RAB22A: variants seen among roughly 807,000 people sequenced by gnomAD.
RAB22A encodes the protein ras-related protein Rab-22A.
RAB22A carries 13 observed loss-of-function variants against 30.2 expected under a neutral mutation model. The observed-to-expected ratio is 0.43, with a 90% CI of 0.28 to 0.68. RAB22A has a LOEUF of 0.68. Among genes scored for constraint, RAB22A ranks in the 30% least tolerant of loss-of-function variants. RAB22A has a pLI of 0.18. For missense variants in RAB22A, 177 were observed against 246.8 expected, an observed-to-expected ratio of 0.72 and a Z score of 1.89; for synonymous variants, 89 against 87.2, an observed-to-expected ratio of 1.02 and a Z score of -0.11.
In RAB22A at chr20:58,309,922, C is replaced by T; in HGVS notation, c.-55C>T. 3 of 1,252,778 alleles carry T rather than the reference C, an allele frequency of 2.4e-6. No individual in the cohort carries two copies. The highest frequency in any genetic ancestry group is 3.0e-6 in the Non-Finnish European group (3 of 990,314). The allele number at this position is 1,252,778 out of a possible 1,614,324, so 77.6% of individuals were successfully genotyped here. On this transcript the variant is annotated 5_prime_UTR_variant, in exon 1 of 7. Transcript: ENST00000244040. ...CAGGGGATGCTCTTGCTGGGCCTGGCCTCTCCCTTCTCAACTTAGGGCGGC... is the reference window on the plus strand; with the variant it reads ...CAGGGGATGCTCTTGCTGGGCCTGGTCTCTCCCTTCTCAACTTAGGGCGGC...
intron 2 of RAB22A, among the ~76,000 whole-genome samples, chr20:58,317,997 A>C (rs150220337): frequency 6.6e-6 from 1 of 152,152 alleles, no homozygotes; most frequent in Non-Finnish European, 1.5e-5. Flanking sequence ...CTAGGACAAC[A>C]ATAGCACGAG....
chr20:58,310,456 C>T lies in RAB22A; in HGVS notation c.36+444C>T, dbSNP rs6128313. The stretch of plus-strand genomic sequence containing the variant: ...GGTGTTTTTGAACTTGTGGGATACC[C>T]CTGCCACTTGTCCAAAGAGTTACTT... On this transcript the variant is annotated intron_variant, in intron 1 of 6. Transcript: ENST00000244040. Among the ~76,000 whole-genome samples, 341 of 152,002 alleles carry T rather than the reference C, an allele frequency of 2.2e-3. 1 individual carries two copies. The highest frequency in any genetic ancestry group is 7.7e-3 in the African/African-American group (320 of 41,470).
chr20:58,310,906 C>A (rs1986212185), intron 1 of RAB22A, 137 bp from the exon 2 acceptor site: 6 of 709,806 alleles, frequency 8.5e-6, no homozygotes, highest in African/African-American at 5.4e-5. Flanking sequence ...ATGACAACCG[C>A]TTTTGTGTTC....
intron 2 of RAB22A, among the ~76,000 whole-genome samples, chr20:58,318,373 T>G (rs1986385179): frequency 6.6e-6 from 1 of 152,196 alleles, no homozygotes; most frequent in Non-Finnish European, 1.5e-5. Context: ...TTTCGTAACA[T>G]GCATGCACAG....
chr20:58,336,302 G>A (rs1407125429), intron 2 of RAB22A, among the ~76,000 whole-genome samples: 1 of 150,944 alleles, frequency 6.6e-6, no homozygotes, highest in Non-Finnish European at 1.5e-5. Flanking sequence ...ATGAGCCACG[G>A]CGCCCGGCCG....
At chr20:58,340,617 A>G (rs1986839140) in intron 2 of RAB22A, among the ~76,000 whole-genome samples, 1 of 152,192 alleles carries the variant, frequency 6.6e-6, no homozygotes, top group African/African-American at 2.4e-5. Context: ...AGATACCCCT[A>G]TTACAGAGGA....
intron 2 of RAB22A, among the ~76,000 whole-genome samples, chr20:58,318,509 G>A (rs1986388144): frequency 6.6e-6 from 1 of 151,924 alleles, no homozygotes; most frequent in Admixed American, 6.6e-5. Context: ...CTGATATAAT[G>A]CAAATATTCC....
chr20:58,322,147 T>C (rs1435497395), intron 2 of RAB22A, among the ~76,000 whole-genome samples: 6 of 152,342 alleles, frequency 3.9e-5, no homozygotes, highest in African/African-American at 1.4e-4. Context: ...ATGAAATGTC[T>C]CTCTTTTGTC....
rs897314778 is a variant in RAB22A at position 58,365,589 on chromosome 20, A to T, written c.*5886A>T. On this transcript the variant is annotated 3_prime_UTR_variant, in exon 7 of 7. Transcript: ENST00000244040. ...TAACGTGGCTCATACACGTGATGTC[A>T]GAGGGACTGGTCAGTTCTTTACAGG... The T allele has an allele frequency of 1.3e-5, 2 of 152,252 alleles. No homozygotes were observed. The highest frequency in any genetic ancestry group is 2.9e-5 in the Non-Finnish European group (2 of 68,048). The allele number at this position is 152,252 out of a possible 1,614,324, so 9.4% of individuals were successfully genotyped here.
chr20:58,350,283 A>G (rs1408528600), intron 3 of RAB22A, among the ~76,000 whole-genome samples: 1 of 152,252 alleles, frequency 6.6e-6, no homozygotes, highest in Non-Finnish European at 1.5e-5. Context: ...AAAAATATGG[A>G]CAGAGTCTCA....
chr20:58,354,024 T>C (rs1351718980), intron 5 of RAB22A, 132 bp from the exon 6 acceptor site: 3 of 581,200 alleles, frequency 5.2e-6, no homozygotes, highest in African/African-American at 1.9e-5. Context: ...GAGAAGACCA[T>C]GTCTCAGGGC....
At chr20:58,321,854 G>A (rs1334528693) in intron 2 of RAB22A, among the ~76,000 whole-genome samples, 2 of 152,198 alleles carry the variant, frequency 1.3e-5, no homozygotes, top group African/African-American at 2.4e-5. Flanking sequence ...AGGCTAGAGT[G>A]CAGTGGTGCA....
At chr20:58,344,095 G>A (rs1302684226) in intron 3 of RAB22A, among the ~76,000 whole-genome samples, 1 of 152,148 alleles carries the variant, frequency 6.6e-6, no homozygotes, top group African/African-American at 2.4e-5. Context: ...TGTATAATTT[G>A]GGGCTCTCTC....
At chr20:58,328,954 G>T (rs1056434560) in intron 2 of RAB22A, among the ~76,000 whole-genome samples, 1 of 152,058 alleles carries the variant, frequency 6.6e-6, no homozygotes, top group East Asian at 1.9e-4. Context: ...GACATTTACC[G>T]ATGGTCTAAA....
At position 58,344,357 on chromosome 20, in the gene RAB22A, G is replaced by A. The variant is rs115888811; in HGVS notation, c.198+558G>A. On this transcript the variant is annotated intron_variant, in intron 3 of 6. Coordinates refer to ENST00000244040, the MANE Select transcript of RAB22A (RefSeq NM_020673.3). ...AGCGGGGCCTGAACATGGCAGCATG[G>A]GGTCTAATGGAATTTGGGGAAGCCC... Among the ~76,000 whole-genome samples, 1,423 of 152,298 alleles carry A rather than the reference G, an allele frequency of 9.3e-3. 23 individuals are homozygous for A. Among genetic ancestry groups the A allele is most frequent in the African/African-American group, 0.031 (1,272 of 41,550 alleles).
At chr20:58,348,807 G>A (rs1010249690) in intron 3 of RAB22A, among the ~76,000 whole-genome samples, 13 of 151,186 alleles carry the variant, frequency 8.6e-5, no homozygotes, top group African/African-American at 2.7e-4. Flanking sequence ...AAAAAAAATC[G>A]CAAAAACAGC....
chr20:58,326,525 A>G (rs2087833640), intron 2 of RAB22A, among the ~76,000 whole-genome samples: 1 of 151,324 alleles, frequency 6.6e-6, no homozygotes, highest in Admixed American at 6.6e-5. Context: ...CTGAGGAGTG[A>G]TATTCTCTTA....
rs1260176648 is a variant in RAB22A, at chr20:58,362,881, GCCT to G, written c.*3183_*3185del. On this transcript the variant is annotated 3_prime_UTR_variant, in exon 7 of 7. Coordinates refer to ENST00000244040, the MANE Select transcript of RAB22A (RefSeq NM_020673.3). ...GGACTTTTGTGTGAGAGGCTTGAGCGCCTCCTCTATGTGGGCTGGTGTCCTTCT... is the reference window on the plus strand; with the variant it reads ...GGACTTTTGTGTGAGAGGCTTGAGCGCCTCTATGTGGGCTGGTGTCCTTCT... 6.6e-6 allele frequency: 1 copy of G among 152,108 alleles called. No homozygotes were observed. The highest frequency in any genetic ancestry group is 1.5e-5 in the Non-Finnish European group (1 of 68,012). 9.4% of individuals were successfully genotyped at this position (152,108 alleles called of 1,614,324 possible). A position where few individuals can be genotyped will look rare whatever the true frequency, so the allele number is the denominator to read the frequency against.
chr20:58,344,521 C>T (rs1223278273), intron 3 of RAB22A, among the ~76,000 whole-genome samples: 1 of 152,186 alleles, frequency 6.6e-6, no homozygotes, highest in Non-Finnish European at 1.5e-5. Flanking sequence ...CTCCCCTTTC[C>T]TCTGGGTACT....
Sources: gnomAD v4.1 joint callset for allele counts (sites outside exome capture counted in the v4.1 genomes callset) on GRCh38, gnomAD v4.1.1 for gene constraint, MANE v1.5 for transcripts, NCBI Gene and HGNC (gene_info 2026-07-23, HGNC 2026-07-21) for gene names.